CARM1: variants seen among roughly 807,000 people sequenced by gnomAD.
CARM1 encodes coactivator associated arginine methyltransferase 1.
Under a neutral mutation model 72.7 loss-of-function variants are expected in CARM1, and 14 were observed. The ratio of observed to expected loss-of-function variants is 0.19; its 90% confidence interval spans 0.13 to 0.30. CARM1 has a LOEUF of 0.30. Among genes scored for constraint, CARM1 ranks in the 10% least tolerant of loss-of-function variants. CARM1 has a pLI of 1.00. For missense variants in CARM1, 432 were observed against 833.7 expected (o/e 0.52, Z 5.93); for synonymous variants, 333 against 345.5 (o/e 0.96, Z 0.40).
rs2073811876 is a variant in CARM1, at chr19:10,871,571, T to TGCGGCGGCGGTAGCG, written c.-129_-115dup. The TGCGGCGGCGGTAGCG allele has an allele frequency of 8.7e-6, 1 of 114,812 alleles. No individual in the cohort carries two copies. Among genetic ancestry groups the TGCGGCGGCGGTAGCG allele is most frequent in the Non-Finnish European group, 1.8e-5 (1 of 56,206 alleles). 7.1% of individuals were successfully genotyped at this position (114,812 alleles called of 1,614,324 possible). The stretch of plus-strand genomic sequence containing the variant: ...GCTCGGCCTCGGCCTGCACGGCGGC[T>TGCGGCGGCGGTAGCG]GCGGCGGCGGTAGCGGCAGCGGCGG... On this transcript the variant is annotated 5_prime_UTR_variant, in exon 1 of 16. Transcript: ENST00000327064. The surrounding 1 kb of genome is among the most constrained non-coding windows in gnomAD (Gnocchi z 5.6).
At chr19:10,872,568 C>T (rs931797937) in intron 1 of CARM1, among the ~76,000 whole-genome samples, 2 of 152,110 alleles carry the variant, frequency 1.3e-5, no homozygotes, top group African/African-American at 4.8e-5. Flanking sequence ...ACGGGACGGG[C>T]CCCTTCCTGA....
At chr19:10,921,229 T>C in intron 14 of CARM1, 102 bp downstream of exon 14, 6 of 1,437,128 alleles carry the variant, frequency 4.2e-6, no homozygotes, top group Middle Eastern at 1.8e-4. Flanking sequence ...TGCTTGGTCC[T>C]TTCACCTTTT....
At chr19:10,919,481 G>A (rs2074223258) in intron 8 of CARM1, 114 bp from the exon 9 acceptor site, 1 of 758,054 alleles carries the variant, frequency 1.3e-6, no homozygotes, top group Non-Finnish European at 2.2e-6. Context: ...GAGCAAGCTC[G>A]TTTTAGCTGC....
intron 1 of CARM1, among the ~76,000 whole-genome samples, chr19:10,872,394 C>T (rs1043257598): frequency 6.6e-6 from 1 of 151,964 alleles, no homozygotes; most frequent in Non-Finnish European, 1.5e-5. Flanking sequence ...TAGCTCAGGA[C>T]GGTTGGAAAG....
chr19:10,901,334 G>A (rs533942192), intron 1 of CARM1, among the ~76,000 whole-genome samples: 4 of 151,746 alleles, frequency 2.6e-5, no homozygotes, highest in South Asian at 2.1e-4. Context: ...AAGAGGTGGA[G>A]TCTTGCTATG....
chr19:10,883,038 C>CTTT, intron 1 of CARM1, among the ~76,000 whole-genome samples: 2 of 152,276 alleles, frequency 1.3e-5, no homozygotes, highest in South Asian at 4.1e-4. Flanking sequence ...CTGCTACTCT[C>CTTT]TGCCTTTCCT....
chr19:10,912,121 A>ATG lies in CARM1; in HGVS notation c.559-63_559-62insTG. On this transcript the variant is annotated intron_variant, in intron 4 of 15. Transcript: ENST00000327064. This position sits in a 1 kb window ranked among gnomAD's most constrained non-coding sequence, Gnocchi z 4.5. Reference sequence around the variant, plus strand: ...CATGATGTGCACATCCCTTATGATCACTGTCACCTCCCCATCACCGTCGCC... The same window carrying ATG: ...CATGATGTGCACATCCCTTATGATCATGCTGTCACCTCCCCATCACCGTCGCC... 8.7e-7 allele frequency: 1 copy of ATG among 1,149,368 alleles called. No homozygotes were observed. The highest frequency in any genetic ancestry group is 1.3e-6 in the Non-Finnish European group (1 of 755,494). 71.2% of individuals were successfully genotyped at this position (1,149,368 alleles called of 1,614,324 possible). A position where few individuals can be genotyped will look rare whatever the true frequency, so the allele number is the denominator to read the frequency against.
chr19:10,900,548 A>G (rs1429336684), intron 1 of CARM1, among the ~76,000 whole-genome samples: 1 of 152,150 alleles, frequency 6.6e-6, no homozygotes, highest in East Asian at 1.9e-4. Context: ...TTCATTTTAT[A>G]GATAAGCCAT....
Position 10,908,111 on chromosome 19 carries a change from G to T in CARM1, c.419G>T (p.Arg140Leu). Residue 140 changes from arginine (R) to leucine (L), a missense_variant, in exon 3 of 16, where the codon CGG becomes CTG. Arg to Leu is a moderately radical substitution (Grantham distance 102, BLOSUM62 -2). Coordinates refer to ENST00000327064, the MANE Select transcript of CARM1 (RefSeq NM_199141.2). ...HTLERSVFSE[R>L]TEESSAVQYF... ...CTGGAGCGGTCTGTGTTCAGCGAGCGGACGGAGGAGTCTTCTGCCGTGCAG... is the reference window on the plus strand; with the variant it reads ...CTGGAGCGGTCTGTGTTCAGCGAGCTGACGGAGGAGTCTTCTGCCGTGCAG... 1 of 1,614,010 alleles carries T rather than the reference G, an allele frequency of 6.2e-7. No individual in the cohort carries two copies. Among genetic ancestry groups the T allele is most frequent in the Non-Finnish European group, 8.5e-7 (1 of 1,179,912 alleles).
intron 1 of CARM1, among the ~76,000 whole-genome samples, chr19:10,884,713 A>AT (rs1252562103): frequency 1.1e-4 from 16 of 150,876 alleles, no homozygotes; most frequent in East Asian, 3.9e-4. Flanking sequence ...TTATTTTATT[A>AT]TTTTTTTTTG....
Position 10,880,637 on chromosome 19 carries a change from GT to G in CARM1, c.220+8716del, listed in dbSNP as rs543612283. On this transcript the variant is annotated intron_variant, in intron 1 of 15. Coordinates refer to ENST00000327064, the MANE Select transcript of CARM1 (RefSeq NM_199141.2). ...CAAAGTGCTGGGATTACAGGTGTGAGTCATGGCAGCCACGGCTCCAGAGCTC... is the reference window on the plus strand; with the variant it reads ...CAAAGTGCTGGGATTACAGGTGTGAGCATGGCAGCCACGGCTCCAGAGCTC... Among the ~76,000 whole-genome samples the G allele has an allele frequency of 5.0e-3, 758 of 152,084 alleles. 3 individuals carry two copies. The highest frequency in any genetic ancestry group is 0.01 in the Middle Eastern group (3 of 294).
intron 1 of CARM1, among the ~76,000 whole-genome samples, chr19:10,895,948 T>C (rs1479440524): frequency 6.6e-6 from 1 of 152,082 alleles, no homozygotes; most frequent in Non-Finnish European, 1.5e-5. Context: ...AGAGAGAACC[T>C]CTGCCCATGA....
Position 10,913,729 on chromosome 19 carries a change from T to G in CARM1, c.670-148T>G, listed in dbSNP as rs996341270. 4.2e-5 allele frequency: 32 copies of G among 768,410 alleles called. No homozygotes were observed. In the African/African-American group the frequency reaches 4.6e-4, roughly 11 times the overall value. The allele number at this position is 768,410 out of a possible 1,614,324, so 47.6% of individuals were successfully genotyped here. ...TGAGCTCTTAACAGGCTATGGCCAATCGCAGCCATGGTTGGGGCGCCAGCG... is the reference window on the plus strand; with the variant it reads ...TGAGCTCTTAACAGGCTATGGCCAAGCGCAGCCATGGTTGGGGCGCCAGCG... On this transcript the variant is annotated intron_variant, in intron 5 of 15. Coordinates refer to ENST00000327064, the MANE Select transcript of CARM1 (RefSeq NM_199141.2).
chr19:10,905,076 G>A lies in CARM1; in HGVS notation c.346G>A (p.Asp116Asn). 6.2e-7 allele frequency: 1 copy of A among 1,613,366 alleles called. No homozygotes were observed. Residue 116 changes from aspartate to asparagine, a missense_variant and splice_region_variant, in exon 2 of 16, where the codon GAT becomes AAT. This residue lies in a region of CARM1 where 138 missense variants were observed against 192.3 expected (regional missense o/e 0.72). Coordinates refer to ENST00000327064, the MANE Select transcript of CARM1 (RefSeq NM_199141.2). Reference sequence around the variant, plus strand: ...CCTCATCCAGTTCGCCACACCCAACGGTACGTGGCCCTCCTTCCATTCCGG... The same window carrying A: ...CCTCATCCAGTTCGCCACACCCAACAGTACGTGGCCCTCCTTCCATTCCGG... ...SVLIQFATPN[D>N]FCSFYNILKT...
intron 1 of CARM1, among the ~76,000 whole-genome samples, chr19:10,902,460 A>ATTTTG (rs749218221): frequency 1.4e-4 from 21 of 151,580 alleles, no homozygotes; most frequent in East Asian, 3.9e-4. Flanking sequence ...TGCCCAGCTA[A>ATTTTG]TTTTGTTTTG....
intron 15 of CARM1, 45 bp downstream of exon 15, chr19:10,921,488 G>T: frequency 6.3e-7 from 1 of 1,579,572 alleles, no homozygotes; most frequent in Non-Finnish European, 8.6e-7. Context: ...CCGAGCTAGC[G>T]TGTGAGTCGC....
At position 10,920,314 on chromosome 19, in the gene CARM1, C is replaced by T; in HGVS notation, c.1197-122C>T. On this transcript the variant is annotated intron_variant, in intron 10 of 15. Transcript: ENST00000327064. This position sits in a 1 kb window ranked among gnomAD's most constrained non-coding sequence, Gnocchi z 5.3. ...GCCTGGGGGCCAGCCTGTCTCTGCT[C>T]CAGGGTCCCAGGGGTCCCTGGCAGA... 2 of 1,202,380 alleles carry T rather than the reference C, an allele frequency of 1.7e-6. No individual in the cohort carries two copies. The highest frequency in any genetic ancestry group is 1.5e-5 in the African/African-American group (1 of 65,298). 74.5% of individuals were successfully genotyped at this position (1,202,380 alleles called of 1,614,324 possible).
At chr19:10,879,802 C>T (rs1046531166) in intron 1 of CARM1, among the ~76,000 whole-genome samples, 3 of 152,212 alleles carry the variant, frequency 2.0e-5, no homozygotes, top group South Asian at 4.1e-4. Context: ...TTAGTAGATA[C>T]GGGGGTCTCA....
chr19:10,892,507 G>A (rs1230892130), intron 1 of CARM1, among the ~76,000 whole-genome samples: 1 of 152,216 alleles, frequency 6.6e-6, no homozygotes, highest in East Asian at 1.9e-4. Flanking sequence ...CTCCGAGGAC[G>A]ACATCGGAGG....
Sources: allele counts gnomAD v4.1 joint callset (sites outside exome capture counted in the v4.1 genomes callset), GRCh38; gene constraint gnomAD v4.1.1; regional missense constraint gnomAD v4.1.1; non-coding constraint Gnocchi (gnomAD v3.1); transcripts MANE v1.5; gene names NCBI Gene and HGNC (gene_info 2026-07-23, HGNC 2026-07-21).